The following COL23A1 variants were observed in gnomAD, a reference collection of about 807,000 sequenced individuals.
COL23A1 encodes the protein collagen type XXIII alpha 1 chain, also known as collagen alpha-1(XXIII) chain.
In COL23A1, 97 loss-of-function variants were observed where a neutral mutation model predicts 99.3. The ratio of observed to expected loss-of-function variants is 0.98; its 90% CI spans 0.83 to 1.16. The LOEUF is 1.16. Among genes scored for constraint, COL23A1 ranks in the 50% most tolerant of loss-of-function variants. The pLI is 0.00. For synonymous variants in COL23A1, 320 were observed against 308.2 expected (o/e 1.04, Z -0.40); for missense variants, 762 against 757.4 (o/e 1.01, Z -0.07).
chr5:178,446,219 C>T (rs986077554), intron 2 of COL23A1, among the ~76,000 whole-genome samples: 1 of 151,748 alleles, frequency 6.6e-6, no homozygotes, highest in African/African-American at 2.4e-5. Flanking sequence ...ATAGCAAAAA[C>T]TGAAAATAAT....
Position 178,585,434 on chromosome 5 carries a change from C to A in COL23A1, c.294+4470G>T, listed in dbSNP as rs376893843. Among the ~76,000 whole-genome samples, 7 of 127,400 alleles carry A rather than the reference C, an allele frequency of 5.5e-5. No homozygotes were observed. The East Asian group carries it at 1.8e-3, about 32-fold the overall frequency. 83.6% of individuals were successfully genotyped at this position (127,400 alleles called of 152,430 possible). ...GGTAACACTCCACAGCCCTGGTTGA[C>A]ACTGGGGTAACACTCCACGTCCCTG... is the stretch of plus-strand genomic sequence containing the variant. On this transcript the variant is annotated intron_variant, in intron 1 of 28. Transcript: ENST00000390654.
intron 2 of COL23A1, among the ~76,000 whole-genome samples, chr5:178,377,129 C>T (rs1228646623): frequency 2.0e-5 from 3 of 152,154 alleles, no homozygotes; most frequent in Non-Finnish European, 4.4e-5. Context: ...ACGCGGGCCA[C>T]GCACAGGAAA....
At chr5:178,277,227 G>GGCACA (rs1756638860) in intron 5 of COL23A1, among the ~76,000 whole-genome samples, 2 of 151,938 alleles carry the variant, frequency 1.3e-5, no homozygotes, top group African/African-American at 4.8e-5. Context: ...AAGGTTGGGT[G>GGCACA]TGGTGGCACA....
intron 2 of COL23A1, among the ~76,000 whole-genome samples, chr5:178,349,225 T>C (rs1761164804): frequency 6.6e-6 from 1 of 151,990 alleles, no homozygotes; most frequent in African/African-American, 2.4e-5. Flanking sequence ...AAACCAGCAA[T>C]GAGTTGAGAC....
intron 2 of COL23A1, among the ~76,000 whole-genome samples, chr5:178,369,813 T>C (rs1011209276): frequency 6.6e-6 from 1 of 152,192 alleles, no homozygotes; most frequent in Non-Finnish European, 1.5e-5. Flanking sequence ...CAGTCTCAGG[T>C]ATGTCTTTAT....
chr5:178,303,089 C>A (rs1758159401), intron 3 of COL23A1, among the ~76,000 whole-genome samples: 1 of 152,298 alleles, frequency 6.6e-6, no homozygotes, highest in East Asian at 1.9e-4. Context: ...CAACCTCTGC[C>A]TCCTGGGTTC....
At chr5:178,354,629 C>T (rs1761519278) in intron 2 of COL23A1, among the ~76,000 whole-genome samples, 1 of 152,176 alleles carries the variant, frequency 6.6e-6, no homozygotes, top group Non-Finnish European at 1.5e-5. Flanking sequence ...GTCTCTCTCT[C>T]CTGCTCTGCC....
At chr5:178,249,271 G>A (rs1030275611) in intron 18 of COL23A1, 65 bp from the exon 19 acceptor site, 7 of 1,491,388 alleles carry the variant, frequency 4.7e-6, no homozygotes, top group Middle Eastern at 1.7e-4. Context: ...CCCCCCAGCA[G>A]GTCCCCAGAG....
At position 178,306,855 on chromosome 5, in the gene COL23A1, T is replaced by C. The variant is rs1178861423; in HGVS notation, c.406+20A>G. 2.0e-6 allele frequency: 3 copies of C among 1,485,416 alleles called. No homozygotes were observed. Among genetic ancestry groups the C allele is most frequent in the East Asian group, 2.7e-5 (1 of 36,394 alleles). 92.0% of individuals were successfully genotyped at this position (1,485,416 alleles called of 1,614,324 possible). Reference sequence around the variant, plus strand: ...GGCTTCCAAGCCTTGGCTTAGGAGCTGAGAAAACCTGGGACTCACCAGGGT... The same window carrying C: ...GGCTTCCAAGCCTTGGCTTAGGAGCCGAGAAAACCTGGGACTCACCAGGGT... On this transcript the variant is annotated intron_variant, in intron 3 of 28. Transcript: ENST00000390654. This position sits in a 1 kb window ranked among gnomAD's most constrained non-coding sequence, Gnocchi z 4.1.
intron 2 of COL23A1, among the ~76,000 whole-genome samples, chr5:178,486,451 C>A (rs890969442): frequency 2.0e-5 from 3 of 152,062 alleles, no homozygotes; most frequent in African/African-American, 4.8e-5. Context: ...GTAATTACCA[C>A]GTGTAGAAAG....
chr5:178,368,063 A>C (rs191540000), intron 2 of COL23A1, among the ~76,000 whole-genome samples: 1 of 152,312 alleles, frequency 6.6e-6, no homozygotes, highest in Admixed American at 6.5e-5. Flanking sequence ...GCTGTGTGTG[A>C]GCAGAGCCTT....
chr5:178,460,964 G>A (rs916410737), intron 2 of COL23A1, among the ~76,000 whole-genome samples: 3 of 152,122 alleles, frequency 2.0e-5, no homozygotes, highest in Non-Finnish European at 2.9e-5. Context: ...TTTTTTAAAC[G>A]TAAAGAAATA....
intron 2 of COL23A1, among the ~76,000 whole-genome samples, chr5:178,393,697 G>A (rs538723775): frequency 6.1e-5 from 9 of 147,560 alleles, no homozygotes; most frequent in African/African-American, 1.5e-4. Context: ...TCACCCAGGC[G>A]CAATCTCTGC....
At chr5:178,490,228 AAAAAAAC>A (rs776252605) in intron 2 of COL23A1, among the ~76,000 whole-genome samples, 99 of 152,222 alleles carry the variant, frequency 6.5e-4, no homozygotes, top group Non-Finnish European at 1.0e-3. Context: ...TTCCATCTCA[AAAAAAAC>A]AAAAAACAAA....
intron 2 of COL23A1, among the ~76,000 whole-genome samples, chr5:178,537,513 G>A (rs1401896843): frequency 6.6e-6 from 1 of 152,210 alleles, no homozygotes; most frequent in Non-Finnish European, 1.5e-5. Context: ...AGGACAAGGG[G>A]TGTCCTCAGA....
In COL23A1 at chr5:178,500,906, C is replaced by A. The variant is rs914026796; in HGVS notation, c.361+59776G>T. Among the ~76,000 whole-genome samples the A allele has an allele frequency of 1.1e-4, 16 of 151,856 alleles. No individual in the cohort carries two copies. In the South Asian group the frequency reaches 3.1e-3, roughly 30 times the overall value. On this transcript the variant is annotated intron_variant, in intron 2 of 28. Transcript: ENST00000390654. The stretch of plus-strand genomic sequence containing the variant: ...CAAGAACATCTGTCAAAACAGATGT[C>A]AAAAATACAATGAAGAAAGTCACAA...
rs1242523424 is a variant in COL23A1 at position 178,262,375 on chromosome 5, C to T, written c.640-123G>A. 3 of 888,134 alleles carry T rather than the reference C, an allele frequency of 3.4e-6. No homozygotes were observed. In the African/African-American group the frequency reaches 5.1e-5, roughly 15 times the overall value. 55.0% of individuals were successfully genotyped at this position (888,134 alleles called of 1,614,324 possible). On this transcript the variant is annotated intron_variant, in intron 9 of 28. Transcript: ENST00000390654. ...ATTATCTTATCTCATTCTCGCCAAA[C>T]CTGAAGAGCGAGTATCACTGTCCCC...
At chr5:178,464,195 A>G (rs746809595) in intron 2 of COL23A1, among the ~76,000 whole-genome samples, 28 of 152,158 alleles carry the variant, frequency 1.8e-4, no homozygotes, top group Non-Finnish European at 3.8e-4. Flanking sequence ...GAAATGCTAT[A>G]CCCATTAAAC....
At chr5:178,472,276 G>C (rs745953759) in intron 2 of COL23A1, among the ~76,000 whole-genome samples, 6 of 152,144 alleles carry the variant, frequency 3.9e-5, no homozygotes, top group Non-Finnish European at 8.8e-5. Flanking sequence ...ACTCTCAGTC[G>C]AATCAACTGA....
Sources: allele counts gnomAD v4.1 joint callset (sites outside exome capture counted in the v4.1 genomes callset), GRCh38; gene constraint gnomAD v4.1.1; non-coding constraint Gnocchi (gnomAD v3.1); transcripts MANE v1.5; gene names NCBI Gene and HGNC (gene_info 2026-07-23, HGNC 2026-07-21).